The following FBXO36 variants were observed in gnomAD, a reference collection of about 807,000 sequenced individuals.
FBXO36 encodes F-box only protein 36.
A neutral mutation model predicts 17.0 loss-of-function variants in FBXO36; 18 were observed. The ratio of observed to expected loss-of-function variants is 1.06; its 90% CI spans 0.73 to 1.57. The LOEUF is 1.57. FBXO36 is among the 40% of genes most tolerant of loss of function. The pLI, the probability that FBXO36 is intolerant of heterozygous loss-of-function variation, is 0.00. For missense variants in FBXO36, 229 were observed against 221.9 expected, an observed-to-expected ratio of 1.03 and a Z score of -0.20; for synonymous variants, 83 against 85.3, an observed-to-expected ratio of 0.97 and a Z score of 0.15.
chr2:229,971,681 A>C (rs1471977798), intron 1 of FBXO36, among the ~76,000 whole-genome samples: 2 of 151,954 alleles, frequency 1.3e-5, no homozygotes, highest in Non-Finnish European at 2.9e-5. Flanking sequence ...GTTTGAAGAT[A>C]ATTAATTTAA....
At chr2:229,922,890 T>A (rs1241196953) in intron 1 of FBXO36, among the ~76,000 whole-genome samples, 1 of 151,888 alleles carries the variant, frequency 6.6e-6, no homozygotes, top group Non-Finnish European at 1.5e-5. Context: ...ACCCGTAGAG[T>A]TTCCTCCGCG....
chr2:229,927,802 A>AT (rs1228481151), intron 1 of FBXO36, among the ~76,000 whole-genome samples: 2 of 152,026 alleles, frequency 1.3e-5, no homozygotes, highest in African/African-American at 2.4e-5. Flanking sequence ...AATGGCAATT[A>AT]TTTTTGAAGT....
At chr2:229,960,343 G>A (rs2077114105) in intron 1 of FBXO36, among the ~76,000 whole-genome samples, 1 of 151,892 alleles carries the variant, frequency 6.6e-6, no homozygotes, top group Admixed American at 6.6e-5. Flanking sequence ...CACCACACCT[G>A]GGTAATTTTT....
intron 2 of FBXO36, among the ~76,000 whole-genome samples, chr2:229,981,522 A>G (rs1392720003): frequency 1.3e-5 from 2 of 151,840 alleles, no homozygotes; most frequent in Non-Finnish European, 2.9e-5. Flanking sequence ...CCTGGCAAAC[A>G]TGGCAAAACC....
chr2:229,991,148 C>G (rs780414590), intron 2 of FBXO36, among the ~76,000 whole-genome samples: 1 of 152,134 alleles, frequency 6.6e-6, no homozygotes. Flanking sequence ...CTTGGCCAGG[C>G]TGGTCTAGAA....
rs2077414033 is a variant in FBXO36 at position 230,011,247 on chromosome 2, A to G, written c.*363A>G. The G allele has an allele frequency of 6.3e-6, 1 of 158,904 alleles. No homozygotes were observed. Among genetic ancestry groups the G allele is most frequent in the African/African-American group, 2.4e-5 (1 of 41,612 alleles). The allele number at this position is 158,904 out of a possible 1,614,324, so 9.8% of individuals were successfully genotyped here. A position where few individuals can be genotyped will look rare whatever the true frequency, so the allele number is the denominator to read the frequency against. ...GACATCTATTTTATCTAGGCATTAG[A>G]AAGGGTAATGGGGCTTTTGAATTTT... On this transcript the variant is annotated 3_prime_UTR_variant, in exon 4 of 4. Coordinates refer to ENST00000283946, the MANE Select transcript of FBXO36 (RefSeq NM_174899.5).
chr2:230,002,460 T>G (rs1389464649), intron 3 of FBXO36, among the ~76,000 whole-genome samples: 2 of 152,060 alleles, frequency 1.3e-5, no homozygotes. Flanking sequence ...TACAGCTCAC[T>G]GCAACCTCCA....
chr2:229,986,521 A>G (rs1414871842), intron 2 of FBXO36, among the ~76,000 whole-genome samples: 2 of 151,770 alleles, frequency 1.3e-5, no homozygotes, highest in Non-Finnish European at 2.9e-5. Flanking sequence ...GTAAAATAAA[A>G]TAAACATAAA....
intron 3 of FBXO36, among the ~76,000 whole-genome samples, chr2:230,000,349 C>T (rs2077351402): frequency 1.0e-5 from 1 of 95,912 alleles, no homozygotes; most frequent in Non-Finnish European, 1.9e-5. Context: ...CAGAGTGAGA[C>T]TGTCTCAAAA....
At chr2:229,950,744 T>G (rs904097052) in intron 1 of FBXO36, among the ~76,000 whole-genome samples, 2 of 141,384 alleles carry the variant, frequency 1.4e-5, no homozygotes, top group Non-Finnish European at 3.0e-5. Flanking sequence ...ACAGGTTACT[T>G]CAGGCTACTT....
intron 3 of FBXO36, among the ~76,000 whole-genome samples, chr2:229,999,049 G>A (rs978092166): frequency 4.6e-5 from 7 of 150,780 alleles, no homozygotes; most frequent in East Asian, 3.9e-4. Context: ...TGATCTGCCC[G>A]CCTCAGCCTC....
At chr2:229,975,250 T>A (rs948785155) in intron 1 of FBXO36, among the ~76,000 whole-genome samples, 3 of 152,136 alleles carry the variant, frequency 2.0e-5, no homozygotes, top group Admixed American at 6.6e-5. Context: ...AAACTAAGCA[T>A]AATGATGCTT....
chr2:229,947,845 C>G (rs1400927534), intron 1 of FBXO36, among the ~76,000 whole-genome samples: 1 of 152,120 alleles, frequency 6.6e-6, no homozygotes, highest in Non-Finnish European at 1.5e-5. Context: ...ATAAACTGCC[C>G]CTGTGGATTA....
chr2:229,946,629 C>T (rs1358915783), intron 1 of FBXO36, among the ~76,000 whole-genome samples: 1 of 152,202 alleles, frequency 6.6e-6, no homozygotes, highest in African/African-American at 2.4e-5. Flanking sequence ...CAGGCAACAT[C>T]AGTTTCTTAG....
chr2:230,003,043 C>A (rs1278903181), intron 3 of FBXO36, among the ~76,000 whole-genome samples: 1 of 151,686 alleles, frequency 6.6e-6, no homozygotes, highest in Admixed American at 6.6e-5. Context: ...AAACCCCCGT[C>A]TCTACCAAAA....
intron 1 of FBXO36, among the ~76,000 whole-genome samples, chr2:229,957,789 T>C (rs529198676): frequency 6.6e-6 from 1 of 152,310 alleles, no homozygotes; most frequent in Admixed American, 6.5e-5. Flanking sequence ...CTCAACCAGC[T>C]GGACCTGGCA....
In FBXO36 at chr2:229,993,736, G is replaced by A. The variant is rs373088874; in HGVS notation, c.206-3015G>A. On this transcript the variant is annotated intron_variant, in intron 2 of 3. Transcript: ENST00000283946. The stretch of plus-strand genomic sequence containing the variant: ...AAACCATCACATTTCATACCTAGCT[G>A]TACATGTCCTAAAACTTTTACACTT... Among the ~76,000 whole-genome samples, 14 of 152,114 alleles carry A rather than the reference G, an allele frequency of 9.2e-5. 1 individual carries two copies. The South Asian group carries it at 2.9e-3, about 32-fold the overall frequency.
At chr2:229,941,272 G>A (rs562792070) in intron 1 of FBXO36, among the ~76,000 whole-genome samples, 76 of 152,066 alleles carry the variant, frequency 5.0e-4, no homozygotes, top group Non-Finnish European at 8.2e-4. Flanking sequence ...TGGCTAACAC[G>A]GTGAAACCCC....
intron 1 of FBXO36, among the ~76,000 whole-genome samples, chr2:229,947,500 T>C (rs2077033153): frequency 6.6e-6 from 1 of 152,106 alleles, no homozygotes; most frequent in Non-Finnish European, 1.5e-5. Flanking sequence ...ATTTGGGCCA[T>C]GGGGAAGAAA....
Sources: allele counts gnomAD v4.1 joint callset (sites outside exome capture counted in the v4.1 genomes callset), GRCh38; gene constraint gnomAD v4.1.1; transcripts MANE v1.5; gene names NCBI Gene and HGNC (gene_info 2026-07-23, HGNC 2026-07-21).